LRRTM4: variants seen among roughly 807,000 people sequenced by gnomAD.
The protein encoded by LRRTM4 is leucine-rich repeat transmembrane neuronal protein 4.
Under a neutral mutation model 47.6 loss-of-function variants are expected in LRRTM4, and 25 were observed. The ratio of observed to expected loss-of-function variants is 0.53; its 90% CI spans 0.38 to 0.73. The LOEUF is 0.73. Ranked by LOEUF, LRRTM4 falls within the 30% of genes least tolerant of loss-of-function variation. LRRTM4 has a pLI of 0.00. For synonymous variants in LRRTM4, 311 were observed against 269.5 expected (o/e 1.15, Z -1.51); for missense variants, 638 against 713.4 (o/e 0.89, Z 1.20).
intron 3 of LRRTM4, among the ~76,000 whole-genome samples, chr2:76,786,509 A>ATAAT (rs1244371476): frequency 7.0e-6 from 1 of 141,962 alleles, no homozygotes; most frequent in Non-Finnish European, 1.6e-5. Context: ...AATTATGAAT[A>ATAAT]TAATATATGC....
chr2:76,996,163 TAAAC>T (rs1677196803), intron 3 of LRRTM4, among the ~76,000 whole-genome samples: 1 of 151,988 alleles, frequency 6.6e-6, no homozygotes, highest in Non-Finnish European at 1.5e-5. Context: ...CATGTTATCA[TAAAC>T]AAGCAATAGA....
intron 3 of LRRTM4, among the ~76,000 whole-genome samples, chr2:76,785,436 C>T (rs752787378): frequency 3.2e-4 from 48 of 152,202 alleles, no homozygotes; most frequent in Admixed American, 7.8e-4. Context: ...AGTAAAGGCA[C>T]ATTTAATGAG....
At chr2:77,090,855 G>A (rs1670603106) in intron 3 of LRRTM4, among the ~76,000 whole-genome samples, 2 of 152,252 alleles carry the variant, frequency 1.3e-5, no homozygotes, top group South Asian at 2.1e-4. Flanking sequence ...GACGCTGCCC[G>A]ATTGCCTCGG....
At chr2:76,816,789 C>G (rs10208179) in intron 3 of LRRTM4, among the ~76,000 whole-genome samples, 1 of 118,400 alleles carries the variant, frequency 8.4e-6, no homozygotes. Flanking sequence ...AGTGGGTTAT[C>G]TGAACACTGC....
At chr2:77,064,922 C>T (rs1573520368) in intron 3 of LRRTM4, among the ~76,000 whole-genome samples, 1 of 152,164 alleles carries the variant, frequency 6.6e-6, no homozygotes, top group East Asian at 1.9e-4. Flanking sequence ...CTCCTACATT[C>T]TGGAGCCTGC....
chr2:76,809,832 T>G (rs1381177728), intron 3 of LRRTM4, among the ~76,000 whole-genome samples: 1 of 152,172 alleles, frequency 6.6e-6, no homozygotes, highest in Admixed American at 6.6e-5. Flanking sequence ...CATGCTGAGC[T>G]TGCTTTTGAG....
At chr2:77,153,914 A>C (rs1672492507) in intron 3 of LRRTM4, among the ~76,000 whole-genome samples, 1 of 152,216 alleles carries the variant, frequency 6.6e-6, no homozygotes, top group African/African-American at 2.4e-5. Flanking sequence ...GTTGACATCT[A>C]ATTTATTTTA....
chr2:76,933,635 T>C (rs995284234), intron 3 of LRRTM4, among the ~76,000 whole-genome samples: 1 of 152,152 alleles, frequency 6.6e-6, no homozygotes, highest in African/African-American at 2.4e-5. Context: ...AGGGTTTTGA[T>C]CCACTGGTGT....
intron 3 of LRRTM4, among the ~76,000 whole-genome samples, chr2:77,314,710 A>G (rs925522424): frequency 3.3e-5 from 5 of 152,202 alleles, no homozygotes; most frequent in African/African-American, 9.6e-5. Context: ...TACCCAGGAT[A>G]TACAGAGGAT....
intron 3 of LRRTM4, among the ~76,000 whole-genome samples, chr2:77,131,735 C>G (rs530602319): frequency 1.1e-4 from 17 of 152,118 alleles, no homozygotes; most frequent in Non-Finnish European, 1.8e-4. Flanking sequence ...TCTAAAGCCT[C>G]CCCTTTTCAA....
At chr2:77,251,255 A>C (rs1249509654) in intron 3 of LRRTM4, among the ~76,000 whole-genome samples, 6 of 143,286 alleles carry the variant, frequency 4.2e-5, no homozygotes, top group African/African-American at 1.0e-4. Flanking sequence ...GTGTGTATAT[A>C]TATATACACA....
At chr2:76,943,020 AG>A (rs2103866452) in intron 3 of LRRTM4, among the ~76,000 whole-genome samples, 1 of 152,296 alleles carries the variant, frequency 6.6e-6, no homozygotes, top group African/African-American at 2.4e-5. Flanking sequence ...CATGATTTTG[AG>A]AATCATAAAT....
At chr2:77,425,780 G>A (rs1050585936) in intron 3 of LRRTM4, among the ~76,000 whole-genome samples, 1 of 152,032 alleles carries the variant, frequency 6.6e-6, no homozygotes, top group African/African-American at 2.4e-5. Flanking sequence ...GGCTCCTCAT[G>A]TAATAGAACC....
chr2:77,501,857 A>C (rs1227482905), intron 3 of LRRTM4, among the ~76,000 whole-genome samples: 1 of 151,420 alleles, frequency 6.6e-6, no homozygotes, highest in Non-Finnish European at 1.5e-5. Context: ...AAGAAATTGC[A>C]TGTGTCACTA....
At chr2:77,048,402 A>G (rs1369733627) in intron 3 of LRRTM4, among the ~76,000 whole-genome samples, 1 of 152,056 alleles carries the variant, frequency 6.6e-6, no homozygotes, top group African/African-American at 2.4e-5. Flanking sequence ...AACTGCCATC[A>G]TAGATCAACT....
At chr2:77,387,844 T>C (rs1673344929) in intron 3 of LRRTM4, among the ~76,000 whole-genome samples, 2 of 152,142 alleles carry the variant, frequency 1.3e-5, no homozygotes, top group African/African-American at 4.8e-5. Context: ...CTTCACCATA[T>C]TATGTTTTTT....
chr2:76,936,148 T>C (rs1049489419), intron 3 of LRRTM4, among the ~76,000 whole-genome samples: 3 of 152,312 alleles, frequency 2.0e-5, no homozygotes, highest in South Asian at 2.1e-4. Flanking sequence ...CGTATGTTTA[T>C]TGTGGCACTG....
At chr2:77,257,099 G>A (rs1675790737) in intron 3 of LRRTM4, among the ~76,000 whole-genome samples, 1 of 151,970 alleles carries the variant, frequency 6.6e-6, no homozygotes, top group Admixed American at 6.6e-5. Context: ...CCTCATTCAT[G>A]ACAAAAACTC....
At chr2:76,790,800 T>G (rs548880873) in intron 3 of LRRTM4, among the ~76,000 whole-genome samples, 2 of 152,244 alleles carry the variant, frequency 1.3e-5, no homozygotes, top group East Asian at 1.9e-4. Context: ...ATTTCACTGT[T>G]TCTGCCATAG....
Sources: gnomAD v4.1 joint callset for allele counts (sites outside exome capture counted in the v4.1 genomes callset) on GRCh38, gnomAD v4.1.1 for gene constraint, MANE v1.5 for transcripts, NCBI Gene and HGNC (gene_info 2026-07-23, HGNC 2026-07-21) for gene names.